The following CHLSN variants were observed in gnomAD, a reference collection of about 807,000 sequenced individuals.
CHLSN encodes cholesin.
the CHLSN span, among the ~76,000 whole-genome samples, chr7:1,123,577 G>A: frequency 6.6e-6 from 1 of 152,044 alleles, no homozygotes; most frequent in Non-Finnish European, 1.5e-5. The surrounding 1 kb of genome is among the most constrained non-coding windows in gnomAD (Gnocchi z 4.4). Flanking sequence ...CTTGGGTTCA[G>A]CTTCACAAAA....
chr7:1,056,717 A>G, the CHLSN span: 1 of 152,152 alleles, frequency 6.6e-6, no homozygotes, highest in African/African-American at 2.4e-5. Flanking sequence ...GCCTCCGGGC[A>G]TGGGAACGAT....
At chr7:1,032,573 C>T in the CHLSN span, among the ~76,000 whole-genome samples, 6,132 of 135,166 alleles carry the variant, frequency 0.045, 1 homozygote, top group Middle Eastern at 0.12. Flanking sequence ...CCCGCCCACA[C>T]CGCCAGGCAC....
the CHLSN span, among the ~76,000 whole-genome samples, chr7:1,002,618 C>T: frequency 7.2e-4 from 25 of 34,546 alleles, no homozygotes; most frequent in East Asian, 7.9e-4. Flanking sequence ...TGGAGTCCTG[C>T]GGGTGGGGAG....
the CHLSN span, among the ~76,000 whole-genome samples, chr7:1,121,716 C>T: frequency 2.0e-5 from 3 of 152,232 alleles, no homozygotes; most frequent in African/African-American, 7.2e-5. Flanking sequence ...CCATGAAACA[C>T]CCAGGGCCAG....
chr7:985,038 G>T, the CHLSN span: 3 of 1,612,264 alleles, frequency 1.9e-6, no homozygotes, highest in African/African-American at 4.0e-5. Context: ...GCCGGGAGCC[G>T]GTGGCTGACA....
chr7:1,093,594 C>CAA, the CHLSN span: 2 of 471,086 alleles, frequency 4.2e-6, no homozygotes, highest in Non-Finnish European at 8.8e-6. Flanking sequence ...ATGGCAATTG[C>CAA]ACTCATGTGG....
the CHLSN span, among the ~76,000 whole-genome samples, chr7:1,084,253 G>A: frequency 6.6e-6 from 1 of 152,254 alleles, no homozygotes; most frequent in East Asian, 1.9e-4. Flanking sequence ...ATGCCCGAGG[G>A]TGCTCCTGCA....
chr7:1,112,819 A>AGC, the CHLSN span, among the ~76,000 whole-genome samples: 1 of 152,168 alleles, frequency 6.6e-6, no homozygotes, highest in Non-Finnish European at 1.5e-5. Flanking sequence ...ACTCTGGAGA[A>AGC]GCGCAGCGGC....
chr7:1,097,644 A>G, the CHLSN span, among the ~76,000 whole-genome samples: 1 of 152,178 alleles, frequency 6.6e-6, no homozygotes, highest in Non-Finnish European at 1.5e-5. This position sits in a 1 kb window ranked among gnomAD's most constrained non-coding sequence, Gnocchi z 4.3. Flanking sequence ...GGGGGCAGTG[A>G]GGTGCAGGGG....
the CHLSN span, among the ~76,000 whole-genome samples, chr7:1,027,279 A>G: frequency 1.3e-5 from 2 of 152,256 alleles, no homozygotes; most frequent in Admixed American, 6.5e-5. Flanking sequence ...ACTCATAAGC[A>G]AAGGACTCTG....
the CHLSN span, among the ~76,000 whole-genome samples, chr7:1,099,253 G>A: frequency 1.1e-3 from 150 of 136,254 alleles, no homozygotes; most frequent in South Asian, 2.4e-3. Context: ...CGTTCCTGCA[G>A]CGGCCTCCCC....
At chr7:1,047,474 G>C in the CHLSN span, among the ~76,000 whole-genome samples, 4 of 152,244 alleles carry the variant, frequency 2.6e-5, no homozygotes, top group Non-Finnish European at 4.4e-5. Context: ...GTGTGCGTAA[G>C]CTCTCCACGT....
chr7:1,089,790 C>G, the CHLSN span, among the ~76,000 whole-genome samples: 1 of 139,930 alleles, frequency 7.1e-6, no homozygotes, highest in African/African-American at 2.7e-5. Flanking sequence ...CACTTCAAAA[C>G]AATAACCCCT....
chr7:1,058,247 G>A, the CHLSN span: 2 of 768,290 alleles, frequency 2.6e-6, no homozygotes, highest in Non-Finnish European at 2.4e-6. Context: ...CGCAGTTTGG[G>A]CTCTGGACGC....
At chr7:1,024,165 A>C in the CHLSN span, among the ~76,000 whole-genome samples, 32 of 152,134 alleles carry the variant, frequency 2.1e-4, no homozygotes, top group Non-Finnish European at 4.3e-4. Flanking sequence ...AAGTGCTGGG[A>C]TTATAGGTGT....
the CHLSN span, among the ~76,000 whole-genome samples, chr7:1,064,478 G>A: frequency 1.5e-4 from 23 of 152,118 alleles, no homozygotes; most frequent in African/African-American, 5.3e-4. Context: ...CAGGGGCACT[G>A]ACAGGTTCCA....
chr7:1,029,425 C>T, the CHLSN span, among the ~76,000 whole-genome samples: 4 of 152,172 alleles, frequency 2.6e-5, no homozygotes, highest in Non-Finnish European at 5.9e-5. Context: ...CATGCCCAGC[C>T]TAATTTTTAA....
the CHLSN span, among the ~76,000 whole-genome samples, chr7:1,086,534 T>C: frequency 6.6e-6 from 1 of 152,260 alleles, no homozygotes; most frequent in Non-Finnish European, 1.5e-5. Flanking sequence ...AATGTGTGTA[T>C]ATTTCCTAAA....
At chr7:1,028,306 G>A in the CHLSN span, 1 of 1,048,746 alleles carries the variant, frequency 9.5e-7, no homozygotes, top group East Asian at 1.1e-4. Context: ...GCCGGGGCAG[G>A]GATGCGCCCG....
Sources: gnomAD v4.1 joint callset for allele counts (sites outside exome capture counted in the v4.1 genomes callset) on GRCh38, gnomAD v4.1.1 for gene constraint, Gnocchi (gnomAD v3.1) non-coding constraint, MANE v1.5 for transcripts, NCBI Gene and HGNC (gene_info 2026-07-23, HGNC 2026-07-21) for gene names.